CDH8: variants seen among roughly 807,000 people sequenced by gnomAD.
The protein encoded by CDH8 is cadherin-8.
In CDH8, 17 loss-of-function variants were observed where a neutral mutation model predicts 68.1. That is an observed-to-expected ratio of 0.25 (90% CI 0.17 to 0.37). The LOEUF (loss-of-function observed/expected upper bound fraction) is 0.37, where lower values mean the gene tolerates loss of function less well. CDH8 is among the 10% of genes least tolerant of loss of function. The probability of loss-of-function intolerance (pLI) is 1.00; values close to 1 mark genes in which losing one functional copy is unlikely to be tolerated. For missense variants in CDH8, 763 were observed against 999.3 expected (o/e 0.76, Z 3.19); for synonymous variants, 372 against 365.1 (o/e 1.02, Z -0.21).
At chr16:61,664,950 T>G (rs372292723) in intron 10 of CDH8, among the ~76,000 whole-genome samples, 1 of 152,130 alleles carries the variant, frequency 6.6e-6, no homozygotes, top group South Asian at 2.1e-4. Flanking sequence ...CACACAACAT[T>G]AATATAACAT....
At chr16:61,692,687 A>T (rs958804502) in intron 10 of CDH8, 1 of 152,068 alleles carries the variant, frequency 6.6e-6, no homozygotes, top group Non-Finnish European at 1.5e-5. Context: ...GCCCTCTCCC[A>T]AAACAAGAAC....
At chr16:61,918,695 C>G (rs1271815874) in intron 2 of CDH8, 1 of 157,876 alleles carries the variant, frequency 6.3e-6, no homozygotes, top group African/African-American at 2.4e-5. Context: ...GTTGCTAGCA[C>G]AGCAGTCTGA....
chr16:61,865,402 C>A (rs892342414), intron 3 of CDH8, among the ~76,000 whole-genome samples: 5 of 152,276 alleles, frequency 3.3e-5, no homozygotes, highest in Middle Eastern at 3.4e-3. Flanking sequence ...TTTGAGCACA[C>A]GGATGTCTTC....
intron 8 of CDH8, among the ~76,000 whole-genome samples, chr16:61,755,192 G>C (rs542728783): frequency 6.6e-6 from 1 of 152,196 alleles, no homozygotes; most frequent in Non-Finnish European, 1.5e-5. Context: ...GCCCAGTGAA[G>C]AGTGCAAAGT....
At chr16:61,817,954 G>C (rs1211942268) in intron 6 of CDH8, 4 of 430,808 alleles carry the variant, frequency 9.3e-6, no homozygotes, top group Non-Finnish European at 1.6e-5. Flanking sequence ...CTATTGTTTT[G>C]TTTTGCTCAT....
At chr16:61,859,985 C>A (rs1963120874) in intron 3 of CDH8, among the ~76,000 whole-genome samples, 1 of 152,180 alleles carries the variant, frequency 6.6e-6, no homozygotes, top group Admixed American at 6.5e-5. Flanking sequence ...GCTGGGATTA[C>A]AGTGTGCTCC....
At chr16:61,742,112 T>C (rs1440669183) in intron 8 of CDH8, among the ~76,000 whole-genome samples, 2 of 152,178 alleles carry the variant, frequency 1.3e-5, no homozygotes, top group African/African-American at 2.4e-5. Flanking sequence ...TCAGATTGTT[T>C]TGCTATGTAA....
chr16:61,729,226 A>G (rs1477894007), intron 8 of CDH8, among the ~76,000 whole-genome samples: 1 of 151,072 alleles, frequency 6.6e-6, no homozygotes, highest in Non-Finnish European at 1.5e-5. Flanking sequence ...TCTTCCAGAC[A>G]TAAGCCATTT....
chr16:61,789,242 A>T (rs1961319665), intron 8 of CDH8, 104 bp downstream of exon 8: 1 of 1,000,082 alleles, frequency 1.0e-6, no homozygotes, highest in Admixed American at 2.4e-5. Context: ...ATAAGTTCCA[A>T]TGTCAAGGTA....
chr16:61,887,611 AT>A (rs1441787467), intron 3 of CDH8, among the ~76,000 whole-genome samples: 2 of 152,118 alleles, frequency 1.3e-5, no homozygotes, highest in African/African-American at 4.8e-5. Context: ...TTCAGACAGC[AT>A]TAGGACCCAC....
intron 8 of CDH8, among the ~76,000 whole-genome samples, chr16:61,757,594 G>A (rs528586100): frequency 7.9e-5 from 12 of 152,184 alleles, no homozygotes; most frequent in South Asian, 6.2e-4. Flanking sequence ...GTATATGAAC[G>A]AAGTGGCACT....
At chr16:61,794,264 C>T (rs896093528) in intron 7 of CDH8, among the ~76,000 whole-genome samples, 1 of 151,882 alleles carries the variant, frequency 6.6e-6, no homozygotes, top group Non-Finnish European at 1.5e-5. Flanking sequence ...CCAAAGGCCA[C>T]TCATATACCC....
intron 2 of CDH8, among the ~76,000 whole-genome samples, chr16:61,966,267 C>T (rs1965250640): frequency 6.6e-6 from 1 of 152,046 alleles, no homozygotes; most frequent in South Asian, 2.1e-4. Context: ...GGGCCGGGCG[C>T]CGTGGCTCAC....
At chr16:61,859,411 G>T (rs561205357) in intron 3 of CDH8, among the ~76,000 whole-genome samples, 2 of 152,290 alleles carry the variant, frequency 1.3e-5, no homozygotes, top group Middle Eastern at 3.4e-3. Flanking sequence ...GCCTGGACAT[G>T]AAATTAAGAA....
intron 9 of CDH8, among the ~76,000 whole-genome samples, chr16:61,719,291 A>G (rs1410133294): frequency 6.6e-6 from 1 of 151,192 alleles, no homozygotes; most frequent in African/African-American, 2.4e-5. Context: ...TCCTCTGGGT[A>G]GAATTTGGGA....
intron 6 of CDH8, among the ~76,000 whole-genome samples, chr16:61,820,521 A>G (rs1004101394): frequency 6.6e-6 from 1 of 151,666 alleles, no homozygotes; most frequent in Non-Finnish European, 1.5e-5. Context: ...TCCTTTTACA[A>G]TCTTAAACAA....
At chr16:61,855,637 G>T (rs919110454) in intron 4 of CDH8, among the ~76,000 whole-genome samples, 1 of 152,144 alleles carries the variant, frequency 6.6e-6, no homozygotes, top group Non-Finnish European at 1.5e-5. Flanking sequence ...AAATGGCCAA[G>T]AAGAGAACAT....
At chr16:61,762,010 G>T (rs1476140298) in intron 8 of CDH8, among the ~76,000 whole-genome samples, 1 of 151,916 alleles carries the variant, frequency 6.6e-6, no homozygotes, top group Non-Finnish European at 1.5e-5. Flanking sequence ...CAAAAAATAA[G>T]TAAAAAGAAA....
intron 2 of CDH8, among the ~76,000 whole-genome samples, chr16:61,956,175 G>A (rs771599022): frequency 8.5e-5 from 13 of 152,092 alleles, no homozygotes; most frequent in Non-Finnish European, 1.6e-4. Context: ...TCAAAAATTT[G>A]TATACACACA....
Sources: allele counts gnomAD v4.1 joint callset (sites outside exome capture counted in the v4.1 genomes callset), GRCh38; gene constraint gnomAD v4.1.1; transcripts MANE v1.5; gene names NCBI Gene and HGNC (gene_info 2026-07-23, HGNC 2026-07-21).